CSPP1: variants seen among roughly 807,000 people sequenced by gnomAD.
CSPP1 encodes centrosome and spindle pole associated protein 1, also known as centrosome and spindle pole-associated protein 1.
CSPP1 carries 126 observed loss-of-function variants against 164.4 expected under a neutral mutation model. The observed-to-expected ratio is 0.77, with a 90% CI of 0.66 to 0.89. The LOEUF (loss-of-function observed/expected upper bound fraction) is 0.89. CSPP1 is among the 40% of genes least tolerant of loss of function. The pLI, the probability that CSPP1 is intolerant of heterozygous loss-of-function variation, is 0.00. For missense variants in CSPP1, 1,395 were observed against 1,449.8 expected (o/e 0.96, Z 0.61); for synonymous variants, 472 against 476.7 (o/e 0.99, Z 0.13).
chr8:67,107,190 G>A (rs550726329), intron 9 of CSPP1, among the ~76,000 whole-genome samples: 17 of 152,170 alleles, frequency 1.1e-4, no homozygotes, highest in Middle Eastern at 6.8e-3. Flanking sequence ...TGGAATTACA[G>A]GCATGTGCCA....
chr8:67,164,493 A>G lies in CSPP1; in HGVS notation c.2813A>G (p.Asp938Gly), dbSNP rs1282726257. The change falls in exon 24 of 31, where the codon GAT (aspartate) becomes GGT (glycine). Residue 938 changes from aspartate (D) to glycine (G), a missense_variant. Physicochemically the swap from Asp to Gly is moderately conservative, Grantham distance 94 (BLOSUM62 -1). Transcript: ENST00000678616. ...CGATTGCTACACATGGACAGTGATG[A>G]TGAAATTCCTATCAGGCAAGTTTAG... is the stretch of plus-strand genomic sequence containing the variant. Reference protein sequence around the residue: ...QERLLHMDSDDEIPIRKKERN... With the variant: ...QERLLHMDSDGEIPIRKKERN... The G allele has an allele frequency of 4.5e-6, 7 of 1,545,848 alleles. No homozygotes were observed. Among genetic ancestry groups the G allele is most frequent in the African/African-American group, 1.4e-5 (1 of 73,752 alleles).
chr8:67,186,406 ACT>A (rs1204771431), intron 28 of CSPP1, among the ~76,000 whole-genome samples: 12 of 126,134 alleles, frequency 9.5e-5, no homozygotes, highest in African/African-American at 4.0e-4. Context: ...AATAAACCTC[ACT>A]GTTTTAAATT....
At chr8:67,123,201 A>G (rs1409275369) in intron 15 of CSPP1, 7 of 152,108 alleles carry the variant, frequency 4.6e-5, no homozygotes, top group African/African-American at 1.7e-4. Context: ...CCGGACTCCA[A>G]CTATTATTCT....
At chr8:67,067,584 C>T (rs1805841280) in intron 1 of CSPP1, among the ~76,000 whole-genome samples, 1 of 152,138 alleles carries the variant, frequency 6.6e-6, no homozygotes, top group South Asian at 2.1e-4. Flanking sequence ...CTGCCTCAGC[C>T]TTCTGAGTAG....
chr8:67,182,680 G>A (rs1040610054), intron 28 of CSPP1, among the ~76,000 whole-genome samples: 3 of 152,096 alleles, frequency 2.0e-5, no homozygotes, highest in Admixed American at 2.0e-4. Flanking sequence ...CAATCCTTAC[G>A]GGTGTGACGT....
chr8:67,163,706 A>G lies in CSPP1; in HGVS notation c.2644-26A>G, dbSNP rs1828803338. On this transcript the variant is annotated intron_variant, in intron 22 of 30. Transcript: ENST00000678616. Reference sequence around the variant, plus strand: ...TCTGTGTAGGGAAGACATACTGAACATGTCTTTGTCATTATTGTTGAACAG... The same window carrying G: ...TCTGTGTAGGGAAGACATACTGAACGTGTCTTTGTCATTATTGTTGAACAG... 3 of 1,576,392 alleles carry G rather than the reference A, an allele frequency of 1.9e-6. No individual in the cohort carries two copies. The African/African-American group carries it at 4.1e-5, about 21-fold the overall frequency.
chr8:67,095,106 T>G (rs575256116), intron 6 of CSPP1, among the ~76,000 whole-genome samples, 187 bp from the exon 7 acceptor site: 1 of 152,270 alleles, frequency 6.6e-6, no homozygotes, highest in Admixed American at 6.5e-5. Context: ...TTATTTCTGG[T>G]TTTTGCTATT....
intron 30 of CSPP1, among the ~76,000 whole-genome samples, chr8:67,194,126 G>GCCAT (rs1259300982): frequency 1.4e-4 from 22 of 152,142 alleles, no homozygotes; most frequent in African/African-American, 4.6e-4. Flanking sequence ...AGAGCACAAG[G>GCCAT]CAGGATGGTT....
In CSPP1 at chr8:67,195,777, A is replaced by G; in HGVS notation, c.*184A>G. ...AATAAAAGGCCATGATTATTGATTT[A>G]TATAATAGAATTGTATAGATTATTT... is the stretch of plus-strand genomic sequence containing the variant. On this transcript the variant is annotated 3_prime_UTR_variant, in exon 31 of 31. Coordinates refer to ENST00000678616, the MANE Select transcript of CSPP1 (RefSeq NM_001382391.1). 3.4e-6 allele frequency: 2 copies of G among 581,528 alleles called. No homozygotes were observed. The highest frequency in any genetic ancestry group is 4.4e-5 in the South Asian group (2 of 44,962). The allele number at this position is 581,528 out of a possible 1,614,324, so 36.0% of individuals were successfully genotyped here.
chr8:67,131,912 G>T, intron 15 of CSPP1, 39 bp from the exon 16 acceptor site: 3 of 1,522,696 alleles, frequency 2.0e-6, no homozygotes, highest in South Asian at 1.3e-5. Flanking sequence ...TTGCTTTGTC[G>T]TCAATGGATT....
chr8:67,109,292 C>T lies in CSPP1; in HGVS notation c.1094-2680C>T, dbSNP rs149704129. ...GAGGCTGCCCACAGTTCCTAGTGGC[C>T]ATCTGCTGTTCTTGTCATGTGGGCT... is the stretch of plus-strand genomic sequence containing the variant. On this transcript the variant is annotated intron_variant, in intron 9 of 30. Coordinates refer to ENST00000678616, the MANE Select transcript of CSPP1 (RefSeq NM_001382391.1). 6.9e-3 allele frequency among the ~76,000 whole-genome samples: 1,050 copies of T among 152,242 alleles called. 10 individuals are homozygous for T. Among genetic ancestry groups the T allele is most frequent in the Admixed American group, 0.011 (171 of 15,286 alleles).
chr8:67,193,654 A>G, intron 30 of CSPP1, 52 bp downstream of exon 30: 1 of 1,515,156 alleles, frequency 6.6e-7, no homozygotes, highest in Non-Finnish European at 9.1e-7. Context: ...GAACTTTTAA[A>G]CTTTCTTACT....
At chr8:67,159,822 T>TTC (rs35412962) in intron 21 of CSPP1, among the ~76,000 whole-genome samples, 1 of 137,706 alleles carries the variant, frequency 7.3e-6, no homozygotes, top group Admixed American at 7.3e-5. Flanking sequence ...ACGCCCGGCC[T>TTC]TCTCTCTCTT....
At chr8:67,081,424 G>A (rs1433484383) in intron 3 of CSPP1, among the ~76,000 whole-genome samples, 1 of 151,724 alleles carries the variant, frequency 6.6e-6, no homozygotes. Context: ...ACATGATTTA[G>A]TTCATATAAG....
intron 15 of CSPP1, among the ~76,000 whole-genome samples, chr8:67,121,014 C>A (rs552776618): frequency 6.6e-6 from 1 of 151,816 alleles, no homozygotes; most frequent in African/African-American, 2.4e-5. Context: ...CCACTATGCC[C>A]GGCTAAGTTT....
At chr8:67,163,906 A>G (rs1427458845) in intron 23 of CSPP1, 108 bp downstream of exon 23, 9 of 821,918 alleles carry the variant, frequency 1.1e-5, no homozygotes, top group Non-Finnish European at 1.7e-5. Flanking sequence ...TAGAGCGGTT[A>G]GGTGCTGTGT....
rs1837825850 is a variant in CSPP1 at position 67,195,793 on chromosome 8, T to C, written c.*200T>C. ...TATTGATTTATATAATAGAATTGTA[T>C]AGATTATTTTTGCACAGTTTTGTCA... On this transcript the variant is annotated 3_prime_UTR_variant, in exon 31 of 31. Coordinates refer to ENST00000678616, the MANE Select transcript of CSPP1 (RefSeq NM_001382391.1). The C allele has an allele frequency of 3.7e-6, 2 of 544,810 alleles. No homozygotes were observed. The highest frequency in any genetic ancestry group is 3.3e-5 in the Admixed American group (1 of 30,464). The allele number at this position is 544,810 out of a possible 1,614,324, so 33.7% of individuals were successfully genotyped here.
chr8:67,170,881 G>A (rs1431236768), intron 24 of CSPP1, among the ~76,000 whole-genome samples: 1 of 151,838 alleles, frequency 6.6e-6, no homozygotes, highest in Non-Finnish European at 1.5e-5. Flanking sequence ...CCACCTCCTT[G>A]GTTCACGCCG....
intron 24 of CSPP1, among the ~76,000 whole-genome samples, chr8:67,170,392 G>A (rs192933412): frequency 8.3e-4 from 126 of 152,178 alleles, no homozygotes; most frequent in Middle Eastern, 6.8e-3. Context: ...GGAAGTGGAG[G>A]TTGCAGTGAG....
Sources: gnomAD v4.1 joint callset for allele counts (sites outside exome capture counted in the v4.1 genomes callset) on GRCh38, gnomAD v4.1.1 for gene constraint, MANE v1.5 for transcripts, NCBI Gene and HGNC (gene_info 2026-07-23, HGNC 2026-07-21) for gene names.